The following PTGER3 variants were observed in gnomAD, a reference collection of about 807,000 sequenced individuals.
PTGER3 encodes prostaglandin E receptor 3, also known as prostaglandin E2 receptor EP3 subtype.
A neutral mutation model predicts 34.7 loss-of-function variants in PTGER3; 22 were observed. The observed-to-expected ratio is 0.63, with a 90% CI of 0.45 to 0.91. The LOEUF (loss-of-function observed/expected upper bound fraction) is 0.91, where lower values mean the gene tolerates loss of function less well. PTGER3 is among the 40% of genes least tolerant of loss of function. The pLI is 0.00. For synonymous variants in PTGER3, 241 were observed against 230.1 expected (o/e 1.05, Z -0.43); for missense variants, 468 against 519.4 (o/e 0.90, Z 0.96).
chr1:70,937,481 C>G (rs1255004619), intron 4 of PTGER3, among the ~76,000 whole-genome samples: 1 of 152,006 alleles, frequency 6.6e-6, no homozygotes, highest in Non-Finnish European at 1.5e-5. Flanking sequence ...TAAATTTAAG[C>G]CACATAATCC....
chr1:70,867,537 A>G (rs745358192), intron 4 of PTGER3, among the ~76,000 whole-genome samples: 2 of 152,142 alleles, frequency 1.3e-5, no homozygotes, highest in Admixed American at 6.5e-5. Context: ...CCTGGCCAAC[A>G]TGGTGAAGCC....
chr1:71,046,060 G>A (rs531214578), intron 1 of PTGER3, among the ~76,000 whole-genome samples: 2 of 151,450 alleles, frequency 1.3e-5, no homozygotes, highest in East Asian at 1.9e-4. Flanking sequence ...TTGGGAGGCC[G>A]AGGCGGGTGG....
chr1:70,861,451 G>C (rs935796832), intron 4 of PTGER3, among the ~76,000 whole-genome samples: 5 of 152,146 alleles, frequency 3.3e-5, no homozygotes, highest in Non-Finnish European at 7.4e-5. Context: ...GCAACAACCT[G>C]CAACACCTGC....
At chr1:70,990,333 G>A (rs1217059102) in intron 2 of PTGER3, among the ~76,000 whole-genome samples, 1 of 140,306 alleles carries the variant, frequency 7.1e-6, no homozygotes, top group Non-Finnish European at 1.5e-5. Context: ...CTCCAGCCTG[G>A]GCGACAGAAC....
intron 4 of PTGER3, among the ~76,000 whole-genome samples, chr1:70,877,996 T>G (rs958372118): frequency 1.3e-5 from 2 of 152,156 alleles, no homozygotes; most frequent in African/African-American, 4.8e-5. Flanking sequence ...CCCCCTCAGT[T>G]TTTTGGAATA....
chr1:71,025,838 T>C (rs575561059), intron 1 of PTGER3, among the ~76,000 whole-genome samples: 1 of 152,184 alleles, frequency 6.6e-6, no homozygotes, highest in Non-Finnish European at 1.5e-5. Flanking sequence ...CCAGTTAACA[T>C]GGCTCTCTTT....
chr1:70,968,692 C>T (rs937336148), downstream of PTGER3, among the ~76,000 whole-genome samples: 1 of 151,712 alleles, frequency 6.6e-6, no homozygotes, highest in Non-Finnish European at 1.5e-5. Context: ...ACTAAAACTA[C>T]TCTAAAAACT....
intron 2 of PTGER3, among the ~76,000 whole-genome samples, chr1:70,964,373 CA>C (rs1186166625): frequency 6.6e-6 from 1 of 152,172 alleles, no homozygotes; most frequent in Non-Finnish European, 1.5e-5. Flanking sequence ...CCAACAAAAA[CA>C]TAGCTAAAAC....
At chr1:70,972,496 C>T (rs1653194236) in intron 3 of PTGER3, among the ~76,000 whole-genome samples, 1 of 151,966 alleles carries the variant, frequency 6.6e-6, no homozygotes, top group African/African-American at 2.4e-5. Context: ...AAATATTACA[C>T]ATTACTTATT....
intron 2 of PTGER3, among the ~76,000 whole-genome samples, chr1:70,960,982 C>T (rs1166450264): frequency 6.6e-6 from 1 of 152,188 alleles, no homozygotes; most frequent in Non-Finnish European, 1.5e-5. Flanking sequence ...TCTCTTCCCA[C>T]TGCACCCCAT....
intron 4 of PTGER3, among the ~76,000 whole-genome samples, chr1:70,882,697 C>G (rs1646415893): frequency 6.6e-6 from 1 of 152,144 alleles, no homozygotes; most frequent in African/African-American, 2.4e-5. Flanking sequence ...AGGGATTTTT[C>G]CATTCCCAGT....
rs561468838 is a variant in PTGER3, at chr1:70,854,199, G to T, written c.*24-1340C>A. On this transcript the variant is annotated intron_variant, in intron 4 of 4. Transcript: ENST00000370931. ...AGTGAAAAATTAACCTACGAGATGG[G>T]AGAAAATATTTCCAAATCATATATC... 5.3e-5 allele frequency among the ~76,000 whole-genome samples: 8 copies of T among 152,092 alleles called. No homozygotes were observed. The South Asian group carries it at 1.7e-3, about 32-fold the overall frequency.
intron 4 of PTGER3, among the ~76,000 whole-genome samples, chr1:70,890,291 A>G (rs1440974476): frequency 3.3e-5 from 5 of 152,216 alleles, no homozygotes; most frequent in African/African-American, 7.2e-5. Context: ...CCCCTGTACC[A>G]TAAGTATTCT....
At chr1:70,937,730 A>G (rs886733998) in intron 4 of PTGER3, among the ~76,000 whole-genome samples, 1 of 152,174 alleles carries the variant, frequency 6.6e-6, no homozygotes, top group African/African-American at 2.4e-5. Flanking sequence ...CTGTTTCTTT[A>G]TCATCTTACA....
At chr1:71,012,262 C>T in intron 2 of PTGER3, 43 bp downstream of exon 2, 1 of 1,614,050 alleles carries the variant, frequency 6.2e-7, no homozygotes, top group Non-Finnish European at 8.5e-7. Context: ...ATAGGCTGCC[C>T]TTTCTGTCCA....
chr1:71,005,377 C>T (rs1282037389), intron 2 of PTGER3, among the ~76,000 whole-genome samples: 1 of 152,188 alleles, frequency 6.6e-6, no homozygotes, highest in Admixed American at 6.5e-5. Flanking sequence ...CCTACAATGT[C>T]CTTCCTTTAC....
At chr1:70,952,787 C>T in exon 4 of PTGER3, 1 of 1,354,380 alleles carries the variant, frequency 7.4e-7, no homozygotes, top group East Asian at 2.7e-5. Flanking sequence ...TAATCTCCCA[C>T]CTTTCCGAGT....
intron 1 of PTGER3, among the ~76,000 whole-genome samples, chr1:71,046,333 A>G (rs547234868): frequency 6.6e-6 from 1 of 151,378 alleles, no homozygotes; most frequent in East Asian, 2.0e-4. Context: ...TACAGTTATC[A>G]TAGCAATTCT....
At chr1:70,894,912 C>T (rs182202214) in intron 4 of PTGER3, among the ~76,000 whole-genome samples, 1 of 152,334 alleles carries the variant, frequency 6.6e-6, no homozygotes, top group African/African-American at 2.4e-5. Context: ...AAAATCCAAT[C>T]TCTTCACCTA....
Sources: gnomAD v4.1 joint callset for allele counts (sites outside exome capture counted in the v4.1 genomes callset) on GRCh38, gnomAD v4.1.1 for gene constraint, MANE v1.5 for transcripts, NCBI Gene and HGNC (gene_info 2026-07-23, HGNC 2026-07-21) for gene names.